The following SLAIN2 variants were observed in gnomAD, a reference collection of about 807,000 sequenced individuals.
The protein encoded by SLAIN2 is SLAIN family member 2.
Under a neutral mutation model 56.6 loss-of-function variants are expected in SLAIN2, and 31 were observed. That is an observed-to-expected ratio of 0.55 (90% CI 0.41 to 0.74). The LOEUF (loss-of-function observed/expected upper bound fraction) is 0.74, where lower values mean the gene tolerates loss of function less well. Ranked by LOEUF, SLAIN2 falls within the 30% of genes least tolerant of loss-of-function variation. The pLI is 0.00. For synonymous variants in SLAIN2, 317 were observed against 284.9 expected (o/e 1.11, Z -1.13); for missense variants, 777 against 754.2 (o/e 1.03, Z -0.35).
intron 7 of SLAIN2, among the ~76,000 whole-genome samples, chr4:48,421,478 T>C (rs1039926437): frequency 2.6e-5 from 4 of 152,162 alleles, no homozygotes; most frequent in African/African-American, 9.7e-5. Context: ...CTTTGTTTAA[T>C]CTTCATAATA....
chr4:48,418,074 TTTCTTC>T lies in SLAIN2; in HGVS notation c.1361-2038_1361-2033del, dbSNP rs144101218. Among the ~76,000 whole-genome samples, 594 of 151,498 alleles carry T rather than the reference TTTCTTC, an allele frequency of 3.9e-3. 4 individuals carry two copies. Among genetic ancestry groups the T allele is most frequent in the African/African-American group, 0.013 (524 of 41,314 alleles). ...CTAACCTCTGTGCCTTTTATTATTA[TTTCTTC>T]TTCTTCTTCTTCCTCTTCCTCCTCT... On this transcript the variant is annotated intron_variant, in intron 6 of 7. Transcript: ENST00000264313.
At position 48,413,311 on chromosome 4, in the gene SLAIN2, A is replaced by G. The variant is rs192837267; in HGVS notation, c.1361-6814A>G. Reference sequence around the variant, plus strand: ...AAAGAATACTGATCTGGGAATCTGGAGACCTGGGTTCAGTTCAGTTATAAC... The same window carrying G: ...AAAGAATACTGATCTGGGAATCTGGGGACCTGGGTTCAGTTCAGTTATAAC... On this transcript the variant is annotated intron_variant, in intron 6 of 7. Transcript: ENST00000264313. 2.7e-3 allele frequency among the ~76,000 whole-genome samples: 418 copies of G among 152,210 alleles called. 1 individual carries two copies. The highest frequency in any genetic ancestry group is 4.6e-3 in the Non-Finnish European group (315 of 68,016).
chr4:48,388,266 G>A (rs569487779), intron 6 of SLAIN2, among the ~76,000 whole-genome samples: 19 of 152,202 alleles, frequency 1.2e-4, no homozygotes, highest in Non-Finnish European at 2.1e-4. Context: ...GAAAACCAGA[G>A]CATTGCAGAG....
In SLAIN2 at chr4:48,378,847, T is replaced by C. The variant is rs55660423; in HGVS notation, c.703+787T>C. ...TATTTGAGCCTGACCTTGTAGTACT[T>C]TTCCTATCATGTGCACTCTGCTCTT... On this transcript the variant is annotated intron_variant, in intron 3 of 7. Transcript: ENST00000264313. Among the ~76,000 whole-genome samples, 1,467 of 152,274 alleles carry C rather than the reference T, an allele frequency of 9.6e-3. 20 individuals are homozygous for C. The highest frequency in any genetic ancestry group is 0.034 in the African/African-American group (1,394 of 41,558).
chr4:48,379,748 T>C lies in SLAIN2; in HGVS notation c.762T>C (p.Ser254=). The C allele has an allele frequency of 6.3e-7, 1 of 1,592,568 alleles. No homozygotes were observed. Among genetic ancestry groups the C allele is most frequent in the Non-Finnish European group, 8.5e-7 (1 of 1,171,034 alleles). ...TCAGTCCTCAGTCCTCTATAGATAG[T>C]GAGTTAAGTGCTTCAGAATTAGATG... ...PPLSPQSSID[S]ELSASELDED... Residue 254 remains serine (S), a synonymous_variant, in exon 4 of 8, where the codon AGT becomes AGC. Transcript: ENST00000264313.
At chr4:48,354,778 T>C (rs1715113703) in intron 1 of SLAIN2, among the ~76,000 whole-genome samples, 1 of 152,102 alleles carries the variant, frequency 6.6e-6, no homozygotes, top group Non-Finnish European at 1.5e-5. Flanking sequence ...ATGGGTATTT[T>C]GAAAGGAACA....
Position 48,377,876 on chromosome 4 carries a change from T to C in SLAIN2, c.539-20T>C. On this transcript the variant is annotated intron_variant, in intron 2 of 7. Transcript: ENST00000264313. ...TTTTCTCAGTTGTTAAATTTGATTT[T>C]CCCCTTCTCATTAATGCAGCTCTCA... is the stretch of plus-strand genomic sequence containing the variant. 6.3e-7 allele frequency: 1 copy of C among 1,597,554 alleles called. No individual in the cohort carries two copies. The highest frequency in any genetic ancestry group is 8.5e-7 in the Non-Finnish European group (1 of 1,175,246).
At position 48,422,165 on chromosome 4, in the gene SLAIN2, A is replaced by ATAAG; in HGVS notation, c.*89_*92dup. On this transcript the variant is annotated 3_prime_UTR_variant, in exon 8 of 8. Coordinates refer to ENST00000264313, the MANE Select transcript of SLAIN2 (RefSeq NM_020846.2). Reference sequence around the variant, plus strand: ...CAACTTTTATATGCAGACTGTTCAGATAAGACTCTTGGGATTTATAAAATC... The same window carrying ATAAG: ...CAACTTTTATATGCAGACTGTTCAGATAAGTAAGACTCTTGGGATTTATAAAATC... 1 of 963,446 alleles carries ATAAG rather than the reference A, an allele frequency of 1.0e-6. No homozygotes were observed. The highest frequency in any genetic ancestry group is 1.6e-6 in the Non-Finnish European group (1 of 621,274). 59.7% of individuals were successfully genotyped at this position (963,446 alleles called of 1,614,324 possible). A position where few individuals can be genotyped will look rare whatever the true frequency, so the allele number is the denominator to read the frequency against.
intron 6 of SLAIN2, among the ~76,000 whole-genome samples, chr4:48,403,463 A>G (rs1440662104): frequency 6.6e-6 from 1 of 152,178 alleles, no homozygotes; most frequent in African/African-American, 2.4e-5. Flanking sequence ...GGTCCCACTT[A>G]AAGAAGCAGT....
chr4:48,388,128 G>A (rs1023058798), intron 6 of SLAIN2, among the ~76,000 whole-genome samples: 9 of 152,124 alleles, frequency 5.9e-5, no homozygotes, highest in African/African-American at 2.2e-4. Flanking sequence ...CTTATTTGCT[G>A]TGGCTGCATT....
rs370861794 is a variant in SLAIN2 at position 48,379,610 on chromosome 4, A to C, written c.704-80A>C. The C allele has an allele frequency of 6.3e-6, 7 of 1,118,428 alleles. No homozygotes were observed. The African/African-American group carries it at 9.7e-5, about 15-fold the overall frequency. 69.3% of individuals were successfully genotyped at this position (1,118,428 alleles called of 1,614,324 possible). Reference sequence around the variant, plus strand: ...AGAATGAATTAAATCAAAGGGTATAATATCAAGTTAGTTGCAGTAGGCATT... The same window carrying C: ...AGAATGAATTAAATCAAAGGGTATACTATCAAGTTAGTTGCAGTAGGCATT... On this transcript the variant is annotated intron_variant, in intron 3 of 7. Coordinates refer to ENST00000264313, the MANE Select transcript of SLAIN2 (RefSeq NM_020846.2).
intron 1 of SLAIN2, among the ~76,000 whole-genome samples, chr4:48,356,678 T>C (rs1273294628): frequency 3.3e-5 from 5 of 152,168 alleles, no homozygotes; most frequent in Non-Finnish European, 7.4e-5. Flanking sequence ...CCCAGGTGCA[T>C]AGTTATGGTT....
intron 1 of SLAIN2, among the ~76,000 whole-genome samples, chr4:48,352,946 G>A (rs535161724): frequency 5.3e-5 from 8 of 152,072 alleles, no homozygotes; most frequent in Non-Finnish European, 7.4e-5. Context: ...GTTAACTCTC[G>A]CAAGATCTGA....
chr4:48,413,161 G>A (rs1716909541), intron 6 of SLAIN2, among the ~76,000 whole-genome samples: 1 of 151,952 alleles, frequency 6.6e-6, no homozygotes. Context: ...CTGTGAGGCA[G>A]ACGTTGCAGT....
At chr4:48,359,612 A>G (rs1715261907) in intron 1 of SLAIN2, among the ~76,000 whole-genome samples, 2 of 152,186 alleles carry the variant, frequency 1.3e-5, no homozygotes, top group African/African-American at 4.8e-5. Context: ...AATTGTAAAT[A>G]ATTTTGGAGT....
rs1717217491 is a variant in SLAIN2 at position 48,423,477 on chromosome 4, G to A, written c.*1400G>A. 1.3e-5 allele frequency: 2 copies of A among 152,046 alleles called. No homozygotes were observed. Among genetic ancestry groups the A allele is most frequent in the African/African-American group, 4.8e-5 (2 of 41,406 alleles). The allele number at this position is 152,046 out of a possible 1,614,324, so 9.4% of individuals were successfully genotyped here. Reference sequence around the variant, plus strand: ...ACAGCTCTAAGATATTGTCACTTAGGTCATCTAAAAGCTTTTAGAGATTTG... The same window carrying A: ...ACAGCTCTAAGATATTGTCACTTAGATCATCTAAAAGCTTTTAGAGATTTG... On this transcript the variant is annotated 3_prime_UTR_variant, in exon 8 of 8. Transcript: ENST00000264313.
intron 1 of SLAIN2, among the ~76,000 whole-genome samples, chr4:48,367,329 G>C (rs1426294241): frequency 6.6e-6 from 1 of 152,220 alleles, no homozygotes; most frequent in African/African-American, 2.4e-5. Flanking sequence ...GAGTGATATA[G>C]AAAGTTGGTG....
intron 1 of SLAIN2, among the ~76,000 whole-genome samples, chr4:48,359,574 G>A (rs1005254803): frequency 3.9e-5 from 6 of 152,138 alleles, no homozygotes; most frequent in African/African-American, 1.4e-4. Context: ...TTAACAATGT[G>A]AAGAAAAGTC....
intron 1 of SLAIN2, among the ~76,000 whole-genome samples, chr4:48,362,489 G>A (rs192333257): frequency 6.3e-4 from 91 of 143,646 alleles, no homozygotes; most frequent in African/African-American, 2.1e-3. Context: ...CTCAGTCTTG[G>A]GTCACTACAA....
Sources: allele counts gnomAD v4.1 joint callset (sites outside exome capture counted in the v4.1 genomes callset), GRCh38; gene constraint gnomAD v4.1.1; transcripts MANE v1.5; gene names NCBI Gene and HGNC (gene_info 2026-07-23, HGNC 2026-07-21).